The following LAMA4 variants were observed in gnomAD, a reference collection of about 807,000 sequenced individuals.
The protein encoded by LAMA4 is laminin subunit alpha 4.
In LAMA4, 127 loss-of-function variants were observed where a neutral mutation model predicts 207.1. The observed-to-expected ratio is 0.61, with a 90% CI of 0.53 to 0.71. The LOEUF is 0.71. LAMA4 is among the 30% of genes least tolerant of loss of function. The pLI is 0.00. For synonymous variants in LAMA4, 761 were observed against 816.0 expected, an observed-to-expected ratio of 0.93 and a Z score of 1.15; for missense variants, 2,093 against 2,246.5, an observed-to-expected ratio of 0.93 and a Z score of 1.38.
chr6:112,169,083 G>A (rs997277010), intron 12 of LAMA4, among the ~76,000 whole-genome samples: 1 of 152,222 alleles, frequency 6.6e-6, no homozygotes, highest in Non-Finnish European at 1.5e-5. Flanking sequence ...CCTTTCTTAA[G>A]TAGGAAGCCA....
intron 5 of LAMA4, among the ~76,000 whole-genome samples, chr6:112,201,165 A>C (rs1562726175): frequency 6.6e-6 from 1 of 152,200 alleles, no homozygotes; most frequent in South Asian, 2.1e-4. Context: ...TGGGCGAAAT[A>C]ACAGCTTTGT....
chr6:112,121,125 C>A (rs928075079), intron 32 of LAMA4, among the ~76,000 whole-genome samples: 3 of 151,770 alleles, frequency 2.0e-5, no homozygotes, highest in Non-Finnish European at 2.9e-5. Flanking sequence ...GTTAAAGAAG[C>A]TTATCCATGT....
chr6:112,124,589 G>T (rs587605828), intron 31 of LAMA4, among the ~76,000 whole-genome samples: 1 of 152,120 alleles, frequency 6.6e-6, no homozygotes, highest in African/African-American at 2.4e-5. Context: ...AACTCCACTA[G>T]ACTTTGGCTT....
intron 20 of LAMA4, 92 bp downstream of exon 20, chr6:112,142,027 G>T: frequency 3.1e-6 from 4 of 1,280,534 alleles, no homozygotes; most frequent in African/African-American, 1.5e-5. Context: ...GCATTGTTTT[G>T]GTTTGTTTGC....
intron 2 of LAMA4, among the ~76,000 whole-genome samples, chr6:112,227,053 A>ATTTC (rs1554362772): frequency 6.8e-6 from 1 of 146,952 alleles, no homozygotes; most frequent in Non-Finnish European, 1.5e-5. Flanking sequence ...TTATTTATTT[A>ATTTC]TTTATTTATT....
intron 6 of LAMA4, 83 bp downstream of exon 6, chr6:112,191,553 C>A: frequency 9.6e-7 from 1 of 1,039,924 alleles, no homozygotes; most frequent in Non-Finnish European, 1.5e-6. Context: ...AATACTTCCC[C>A]AAGAGAAATT....
At chr6:112,253,873 G>GGA (rs782813834) in intron 2 of LAMA4, 83 bp downstream of exon 2, 7 of 1,614,006 alleles carry the variant, frequency 4.3e-6, no homozygotes, top group Admixed American at 1.7e-5. Context: ...GGAAAGAGGC[G>GGA]GAGAGAGAGA....
rs1200759059 is a variant in LAMA4 at position 112,241,114 on chromosome 6, TGAATATATATATGAATATATAG to T, written c.195+12820_195+12841del. 5.3e-5 allele frequency among the ~76,000 whole-genome samples: 7 copies of T among 133,298 alleles called. 2 individuals carry two copies. The highest frequency in any genetic ancestry group is 1.1e-4 in the African/African-American group (4 of 37,180). 87.4% of individuals were successfully genotyped at this position (133,298 alleles called of 152,430 possible). On this transcript the variant is annotated intron_variant, in intron 2 of 38. Transcript: ENST00000230538. ...AGTCACATGAATATATATATATATATGAATATATATATGAATATATAGGAATATATATATGAATATATATATG... is the reference window on the plus strand; with the variant it reads ...AGTCACATGAATATATATATATATATGAATATATATATGAATATATATATG...
chr6:112,212,242 T>G (rs1554356902), intron 3 of LAMA4, among the ~76,000 whole-genome samples: 2 of 139,046 alleles, frequency 1.4e-5, no homozygotes, highest in South Asian at 4.6e-4. Context: ...TTTTTTTTTT[T>G]TAACAGAGTC....
At chr6:112,253,460 A>T (rs1554190256) in intron 2 of LAMA4, 2 of 371,614 alleles carry the variant, frequency 5.4e-6, no homozygotes, top group East Asian at 1.3e-4. Context: ...AGCTCCTTTC[A>T]TGACCAGCCA....
In LAMA4 at chr6:112,109,801, G is replaced by A. The variant is rs587648283; in HGVS notation, c.5327-219C>T. Among the ~76,000 whole-genome samples, 120 of 138,926 alleles carry A rather than the reference G, an allele frequency of 8.6e-4. 9 individuals carry two copies. The highest frequency in any genetic ancestry group is 3.5e-3 in the Admixed American group (52 of 14,710). The allele number at this position is 138,926 out of a possible 152,430, so 91.1% of individuals were successfully genotyped here. A position where few individuals can be genotyped will look rare whatever the true frequency, so the allele number is the denominator to read the frequency against. On this transcript the variant is annotated intron_variant, in intron 38 of 38. Coordinates refer to ENST00000230538, the MANE Select transcript of LAMA4 (RefSeq NM_001105206.3). ...TTTAACGTTTTGCCATGTTTTCCAT[G>A]ATCACATTTCTGTGTATTGTAGCTG...
chr6:112,147,443 T>A (rs3777942), intron 18 of LAMA4, among the ~76,000 whole-genome samples: 45,708 of 152,038 alleles, frequency 0.3, 7,425 homozygotes, highest in African/African-American at 0.43. Context: ...GTAGTATTGT[T>A]TGCAAAACCA....
chr6:112,220,847 A>AAAG (rs1554360382), intron 2 of LAMA4, among the ~76,000 whole-genome samples: 1 of 152,168 alleles, frequency 6.6e-6, no homozygotes, highest in East Asian at 1.9e-4. Context: ...GTTATTAAAT[A>AAAG]AAGTGGGTAC....
intron 11 of LAMA4, among the ~76,000 whole-genome samples, chr6:112,174,771 A>G (rs1781924614): frequency 1.3e-5 from 2 of 152,338 alleles, no homozygotes; most frequent in African/African-American, 2.4e-5. Context: ...GATTACAGGC[A>G]TGAGCCACCA....
intron 38 of LAMA4, among the ~76,000 whole-genome samples, chr6:112,112,572 A>G (rs1051930656): frequency 6.6e-6 from 1 of 152,366 alleles, no homozygotes; most frequent in African/African-American, 2.4e-5. Context: ...CATGAAGTGC[A>G]GTGCTGGCCT....
At chr6:112,151,871 CAA>C (rs1208231756) in intron 16 of LAMA4, among the ~76,000 whole-genome samples, 4 of 151,912 alleles carry the variant, frequency 2.6e-5, no homozygotes, top group Non-Finnish European at 4.4e-5. Context: ...TTTTAAAAGT[CAA>C]GTTTGTTAAA....
At chr6:112,254,362 C>G (rs1787714994) in intron 1 of LAMA4, 71 bp from the exon 2 acceptor site, 1 of 612,680 alleles carries the variant, frequency 1.6e-6, no homozygotes. Context: ...TCTCTCTCCC[C>G]TTCTCCCCCT....
At chr6:112,239,598 C>T (rs1786228409) in intron 2 of LAMA4, among the ~76,000 whole-genome samples, 1 of 152,182 alleles carries the variant, frequency 6.6e-6, no homozygotes, top group Non-Finnish European at 1.5e-5. Flanking sequence ...TCTCTTAGTT[C>T]AGAAGGCCGG....
At chr6:112,219,915 T>C (rs183734211) in intron 2 of LAMA4, among the ~76,000 whole-genome samples, 139 of 152,290 alleles carry the variant, frequency 9.1e-4, no homozygotes, top group African/African-American at 3.1e-3. Context: ...TCCTTCATTT[T>C]TTCCCTCAAG....
Sources: allele counts gnomAD v4.1 joint callset (sites outside exome capture counted in the v4.1 genomes callset), GRCh38; gene constraint gnomAD v4.1.1; transcripts MANE v1.5; gene names NCBI Gene and HGNC (gene_info 2026-07-23, HGNC 2026-07-21).